The following MAML3 variants were observed in gnomAD, a reference collection of about 807,000 sequenced individuals.
MAML3 encodes the protein mastermind-like protein 3.
MAML3 carries 27 observed loss-of-function variants against 101.9 expected under a neutral mutation model. That is an observed-to-expected ratio of 0.27 (90% confidence interval 0.20 to 0.37). The LOEUF (loss-of-function observed/expected upper bound fraction) is 0.37, where lower values mean the gene tolerates loss of function less well. Among genes scored for constraint, MAML3 ranks in the 10% least tolerant of loss-of-function variants. The probability of loss-of-function intolerance (pLI) is 1.00; values close to 1 mark genes in which losing one functional copy is unlikely to be tolerated. For synonymous variants in MAML3, 501 were observed against 555.9 expected (o/e 0.90, Z 1.39); for missense variants, 1,316 against 1,444.9 (o/e 0.91, Z 1.45).
intron 2 of MAML3, among the ~76,000 whole-genome samples, chr4:139,774,466 G>A (rs1476109133): frequency 1.3e-5 from 2 of 152,210 alleles, no homozygotes; most frequent in East Asian, 3.8e-4. Flanking sequence ...TGAATGAAGA[G>A]ATAACAGACT....
At chr4:139,834,582 T>G (rs947767181) in intron 2 of MAML3, among the ~76,000 whole-genome samples, 1 of 152,198 alleles carries the variant, frequency 6.6e-6, no homozygotes, top group Admixed American at 6.5e-5. Flanking sequence ...AGCTTTGCAT[T>G]TCTAACAAGT....
chr4:140,015,258 C>T (rs575969236), intron 1 of MAML3, among the ~76,000 whole-genome samples: 23 of 152,006 alleles, frequency 1.5e-4, no homozygotes, highest in Admixed American at 3.3e-4. Flanking sequence ...AAGTCAAGTA[C>T]GCAAAGAAAA....
chr4:140,050,116 T>C (rs921963542), intron 1 of MAML3, among the ~76,000 whole-genome samples: 6 of 152,290 alleles, frequency 3.9e-5, no homozygotes, highest in Middle Eastern at 3.4e-3. Flanking sequence ...ATAACAGGGC[T>C]CATTGCCAAT....
intron 1 of MAML3, among the ~76,000 whole-genome samples, chr4:140,029,265 T>G (rs746522822): frequency 2.6e-5 from 4 of 152,202 alleles, no homozygotes; most frequent in Non-Finnish European, 4.4e-5. Context: ...ATAGTACACT[T>G]GGTCACTTCC....
chr4:140,115,890 A>C (rs748696803), intron 1 of MAML3, among the ~76,000 whole-genome samples: 1 of 152,338 alleles, frequency 6.6e-6, no homozygotes. Context: ...GAAACTGAAA[A>C]TGAAAATGTC....
chr4:139,774,397 C>T (rs577279914), intron 2 of MAML3, among the ~76,000 whole-genome samples: 8 of 152,026 alleles, frequency 5.3e-5, no homozygotes, highest in Non-Finnish European at 7.4e-5. Flanking sequence ...GTGGCTGGCA[C>T]GTAGTAGGAG....
intron 1 of MAML3, among the ~76,000 whole-genome samples, chr4:140,150,857 G>C (rs1369505178): frequency 6.6e-6 from 1 of 152,202 alleles, no homozygotes; most frequent in African/African-American, 2.4e-5. Context: ...AAAAACTACA[G>C]TGTGTCAGTG....
intron 1 of MAML3, among the ~76,000 whole-genome samples, chr4:140,148,210 A>G (rs1729097481): frequency 6.6e-6 from 1 of 152,212 alleles, no homozygotes; most frequent in African/African-American, 2.4e-5. Context: ...CAGGATAGAA[A>G]GTATCAAGCA....
At chr4:139,909,630 G>A (rs1732881117) in intron 1 of MAML3, among the ~76,000 whole-genome samples, 1 of 151,814 alleles carries the variant, frequency 6.6e-6, no homozygotes, top group African/African-American at 2.4e-5. Context: ...GGAGGTCAGG[G>A]GTTCAAGACC....
intron 2 of MAML3, among the ~76,000 whole-genome samples, chr4:139,877,237 C>T (rs546256828): frequency 1.3e-5 from 2 of 152,088 alleles, no homozygotes; most frequent in South Asian, 2.1e-4. Flanking sequence ...GTACTAGATC[C>T]GCTGCAAACC....
chr4:139,734,617 T>C (rs1728859003), intron 2 of MAML3, among the ~76,000 whole-genome samples: 1 of 152,180 alleles, frequency 6.6e-6, no homozygotes, highest in Non-Finnish European at 1.5e-5. Flanking sequence ...TAGAGTGAGG[T>C]AGGAGGTGTC....
chr4:139,913,707 C>T (rs556079716), intron 1 of MAML3, among the ~76,000 whole-genome samples: 2 of 152,168 alleles, frequency 1.3e-5, no homozygotes, highest in Non-Finnish European at 2.9e-5. Flanking sequence ...GTTTAGGTCC[C>T]GCATAACATC....
At chr4:139,952,900 G>C (rs899475787) in intron 1 of MAML3, among the ~76,000 whole-genome samples, 3 of 152,202 alleles carry the variant, frequency 2.0e-5, no homozygotes, top group Admixed American at 6.5e-5. Flanking sequence ...CCGTGGAGGA[G>C]CTACAAGGTG....
intron 2 of MAML3, among the ~76,000 whole-genome samples, chr4:139,859,761 TTG>T (rs1731733611): frequency 6.6e-6 from 1 of 152,382 alleles, no homozygotes; most frequent in Admixed American, 6.5e-5. Flanking sequence ...GTTAATTACC[TTG>T]CTTGTAATTA....
chr4:140,108,706 C>A (rs1362577707), intron 1 of MAML3, among the ~76,000 whole-genome samples: 3 of 151,652 alleles, frequency 2.0e-5, no homozygotes, highest in Non-Finnish European at 4.4e-5. Flanking sequence ...ATCTCTCATA[C>A]TCTGATCAGT....
At position 139,718,690 on chromosome 4, in the gene MAML3, T is replaced by TG. The variant is rs143867107; in HGVS notation, c.*632dup. 10 of 152,494 alleles carry TG rather than the reference T, an allele frequency of 6.6e-5. No homozygotes were observed. The highest frequency in any genetic ancestry group is 2.4e-4 in the African/African-American group (10 of 41,592). 9.4% of individuals were successfully genotyped at this position (152,494 alleles called of 1,614,324 possible). A position where few individuals can be genotyped will look rare whatever the true frequency, so the allele number is the denominator to read the frequency against. On this transcript the variant is annotated 3_prime_UTR_variant, in exon 5 of 5. Coordinates refer to ENST00000509479, the MANE Select transcript of MAML3 (RefSeq NM_018717.5). ...CCTTTGCAATTCCTGAGGGTCATCA[T>TG]GGGGCAGGAGACAGACAGTCCTGTA...
At chr4:139,903,985 T>C (rs535848798) in intron 1 of MAML3, among the ~76,000 whole-genome samples, 37 of 152,272 alleles carry the variant, frequency 2.4e-4, no homozygotes, top group African/African-American at 8.7e-4. Context: ...CCTAAGCTAG[T>C]TCCTTCCAGC....
intron 1 of MAML3, among the ~76,000 whole-genome samples, chr4:140,048,653 C>T (rs1727220224): frequency 6.6e-6 from 1 of 152,210 alleles, no homozygotes; most frequent in Admixed American, 6.5e-5. Flanking sequence ...TGTATAATCT[C>T]AACTATACCA....
chr4:139,987,330 T>C (rs1734556709), intron 1 of MAML3, among the ~76,000 whole-genome samples: 1 of 152,128 alleles, frequency 6.6e-6, no homozygotes, highest in Non-Finnish European at 1.5e-5. Flanking sequence ...GCAGAGGCCA[T>C]GGTAAGGCAG....
Sources: allele counts gnomAD v4.1 joint callset (sites outside exome capture counted in the v4.1 genomes callset), GRCh38; gene constraint gnomAD v4.1.1; transcripts MANE v1.5; gene names NCBI Gene and HGNC (gene_info 2026-07-23, HGNC 2026-07-21).